Variants in NR1H4 observed in about 807,000 individuals in gnomAD.
The protein encoded by NR1H4 is bile acid receptor.
NR1H4 carries 23 observed loss-of-function variants against 58.5 expected under a neutral mutation model. The ratio of observed to expected loss-of-function variants is 0.39; its 90% CI spans 0.28 to 0.56. The LOEUF (loss-of-function observed/expected upper bound fraction) is 0.56. Ranked by LOEUF, NR1H4 falls within the 20% of genes least tolerant of loss-of-function variation. The pLI, the probability that NR1H4 is intolerant of heterozygous loss-of-function variation, is 0.58. For missense variants in NR1H4, 487 were observed against 576.9 expected (o/e 0.84, Z 1.60); for synonymous variants, 214 against 198.0 (o/e 1.08, Z -0.68).
At chr12:100,559,801 G>T (rs556813258) in intron 9 of NR1H4, among the ~76,000 whole-genome samples, 1 of 152,376 alleles carries the variant, frequency 6.6e-6, no homozygotes, top group East Asian at 1.9e-4. Context: ...AGCTCCACCT[G>T]CAGCCCTGGT....
Position 100,552,294 on chromosome 12 carries a change from A to G in NR1H4, c.1079-9591A>G, listed in dbSNP as rs1955220558. ...AGGACTAATGGGAAGCATATCATGT[A>G]TTATATATTTTAAATTAAATATTTT... On this transcript the variant is annotated intron_variant, in intron 9 of 10. Transcript: ENST00000392986. Among the ~76,000 whole-genome samples, 5 of 152,350 alleles carry G rather than the reference A, an allele frequency of 3.3e-5. No individual in the cohort carries two copies. In the South Asian group the frequency reaches 1.0e-3, roughly 32 times the overall value.
At chr12:100,512,803 T>C (rs1219854485) in intron 4 of NR1H4, among the ~76,000 whole-genome samples, 1 of 152,186 alleles carries the variant, frequency 6.6e-6, no homozygotes, top group African/African-American at 2.4e-5. Context: ...AAAAACCATC[T>C]CTTGAGCAGA....
chr12:100,555,013 A>G (rs1413066031), intron 9 of NR1H4, among the ~76,000 whole-genome samples: 1 of 152,208 alleles, frequency 6.6e-6, no homozygotes, highest in African/African-American at 2.4e-5. Flanking sequence ...CTTTTACAAC[A>G]TGCACAAGAT....
At chr12:100,521,744 C>A (rs1008211110) in intron 4 of NR1H4, among the ~76,000 whole-genome samples, 5 of 152,136 alleles carry the variant, frequency 3.3e-5, no homozygotes, top group Non-Finnish European at 5.9e-5. Flanking sequence ...TCCAAAGGAT[C>A]CTTTGTTTAT....
intron 9 of NR1H4, among the ~76,000 whole-genome samples, chr12:100,555,985 A>G (rs1406130798): frequency 6.6e-6 from 1 of 152,212 alleles, no homozygotes; most frequent in Admixed American, 6.5e-5. Context: ...ATTGCTCAAC[A>G]AAGACATTGT....
chr12:100,498,850 T>C (rs1420373787), intron 3 of NR1H4, among the ~76,000 whole-genome samples: 1 of 152,134 alleles, frequency 6.6e-6, no homozygotes, highest in African/African-American at 2.4e-5. Flanking sequence ...TCACTTATCT[T>C]TCATTTCCTT....
chr12:100,521,967 G>A (rs1305516714), intron 4 of NR1H4, among the ~76,000 whole-genome samples: 1 of 152,112 alleles, frequency 6.6e-6, no homozygotes, highest in Admixed American at 6.5e-5. Flanking sequence ...ATCGTGGGAA[G>A]AGTAGGACCC....
At chr12:100,532,755 A>G (rs758411615) in intron 5 of NR1H4, 145 bp downstream of exon 5, 7 of 714,608 alleles carry the variant, frequency 9.8e-6, no homozygotes, top group Non-Finnish European at 1.6e-5. Flanking sequence ...TGAACCACTG[A>G]AATTGTCCAA....
chr12:100,491,902 A>G (rs1196203529), intron 1 of NR1H4, among the ~76,000 whole-genome samples: 4 of 152,054 alleles, frequency 2.6e-5, no homozygotes, highest in Non-Finnish European at 5.9e-5. Flanking sequence ...CTACTTCTCT[A>G]TCTCTTGACT....
At position 100,547,922 on chromosome 12, in the gene NR1H4, A is replaced by G. The variant is rs558423144; in HGVS notation, c.1078+7104A>G. On this transcript the variant is annotated intron_variant, in intron 9 of 10. Coordinates refer to ENST00000392986, the MANE Select transcript of NR1H4 (RefSeq NM_001206979.2). ...TTTTTAGTAGAGACGGGGTTTTACC[A>G]TGTTAGCCAGGATGGTCTCGATCTC... 5.2e-4 allele frequency among the ~76,000 whole-genome samples: 79 copies of G among 150,688 alleles called. No homozygotes were observed. In the South Asian group the frequency reaches 6.9e-3, roughly 13 times the overall value.
At position 100,562,013 on chromosome 12, in the gene NR1H4, A is replaced by G; in HGVS notation, c.1192+15A>G. The G allele has an allele frequency of 8.0e-7, 1 of 1,243,452 alleles. No homozygotes were observed. The highest frequency in any genetic ancestry group is 1.2e-6 in the Non-Finnish European group (1 of 842,590). 77.0% of individuals were successfully genotyped at this position (1,243,452 alleles called of 1,614,324 possible). The stretch of plus-strand genomic sequence containing the variant: ...CCTGTCTCCAGGTAATTCCAATGTT[A>G]CATTTTAATTTTTATGCCATTTTTT... On this transcript the variant is annotated intron_variant, in intron 10 of 10. Transcript: ENST00000392986.
At chr12:100,513,209 G>A (rs1029925040) in intron 4 of NR1H4, among the ~76,000 whole-genome samples, 4 of 152,144 alleles carry the variant, frequency 2.6e-5, no homozygotes, top group African/African-American at 4.8e-5. Flanking sequence ...CTAGCACAGT[G>A]CCTGGTACAT....
chr12:100,495,481 C>T (rs1181977528), intron 3 of NR1H4, among the ~76,000 whole-genome samples: 1 of 152,250 alleles, frequency 6.6e-6, no homozygotes, highest in East Asian at 1.9e-4. Context: ...ACCTGTAATT[C>T]CAGCACTTTG....
chr12:100,503,767 C>T (rs1227650819), intron 3 of NR1H4, among the ~76,000 whole-genome samples: 3 of 152,108 alleles, frequency 2.0e-5, no homozygotes, highest in African/African-American at 7.2e-5. Flanking sequence ...CCAAACCAAA[C>T]ATTAGACAAT....
At chr12:100,519,816 T>C (rs938853999) in intron 4 of NR1H4, among the ~76,000 whole-genome samples, 3 of 152,152 alleles carry the variant, frequency 2.0e-5, no homozygotes, top group African/African-American at 7.2e-5. Flanking sequence ...CTCAGGTACC[T>C]AACATGTCTT....
chr12:100,539,597 A>T (rs770349660), intron 8 of NR1H4, among the ~76,000 whole-genome samples: 2 of 152,178 alleles, frequency 1.3e-5, no homozygotes, highest in African/African-American at 2.4e-5. Context: ...CAGCATGCAC[A>T]TGAGCTTGTG....
intron 4 of NR1H4, among the ~76,000 whole-genome samples, chr12:100,518,788 CTTTTTTTTTTTTT>C (rs34055370): frequency 8.4e-6 from 1 of 119,274 alleles, no homozygotes; most frequent in African/African-American, 3.2e-5. Context: ...TGACCAATGA[CTTTTTTTTTTTTT>C]TTTTTTTTTG....
chr12:100,490,801 C>T (rs575333894), intron 1 of NR1H4, among the ~76,000 whole-genome samples: 26 of 152,072 alleles, frequency 1.7e-4, no homozygotes, highest in Non-Finnish European at 2.9e-4. Context: ...AACAACTCAA[C>T]ATTTTTCTTT....
rs371301231 is a variant in NR1H4, at chr12:100,563,526, C to T, written c.*37C>T. ...GGGGAGGGGTCTAGCTCCTTTTTCT[C>T]TCTCATATTAATCTGATGTATAACT... On this transcript the variant is annotated 3_prime_UTR_variant, in exon 11 of 11. Coordinates refer to ENST00000392986, the MANE Select transcript of NR1H4 (RefSeq NM_001206979.2). 36 of 1,464,254 alleles carry T rather than the reference C, an allele frequency of 2.5e-5. 1 individual carries two copies. In the East Asian group the frequency reaches 6.6e-4, roughly 27 times the overall value. The allele number at this position is 1,464,254 out of a possible 1,614,324, so 90.7% of individuals were successfully genotyped here.
Sources: gnomAD v4.1 joint callset for allele counts (sites outside exome capture counted in the v4.1 genomes callset) on GRCh38, gnomAD v4.1.1 for gene constraint, MANE v1.5 for transcripts, NCBI Gene and HGNC (gene_info 2026-07-23, HGNC 2026-07-21) for gene names.